Variants in PALM2AKAP2 observed in about 807,000 individuals in gnomAD.
PALM2AKAP2 encodes the protein PALM2 and AKAP2 fusion.
Under a neutral mutation model 71.5 loss-of-function variants are expected in PALM2AKAP2, and 37 were observed. That is an observed-to-expected ratio of 0.52 (90% CI 0.40 to 0.68). The LOEUF is 0.68. PALM2AKAP2 is among the 30% of genes least tolerant of loss of function. PALM2AKAP2 has a pLI of 0.00. For synonymous variants in PALM2AKAP2, 468 were observed against 478.8 expected, an observed-to-expected ratio of 0.98 and a Z score of 0.29; for missense variants, 1,224 against 1,191.8, an observed-to-expected ratio of 1.03 and a Z score of -0.40.
intron 1 of PALM2AKAP2, among the ~76,000 whole-genome samples, chr9:110,097,609 C>T (rs1303069728): frequency 2.7e-5 from 4 of 148,332 alleles, no homozygotes; most frequent in South Asian, 2.1e-4. Flanking sequence ...GGATGGCGGC[C>T]GGGAAGAGGC....
At chr9:109,943,340 C>T in intron 6 of PALM2AKAP2, 2 of 1,614,200 alleles carry the variant, frequency 1.2e-6, no homozygotes, top group Non-Finnish European at 8.5e-7. Flanking sequence ...CCCTCATCCC[C>T]AGAAGGGAAG....
intron 1 of PALM2AKAP2, among the ~76,000 whole-genome samples, chr9:110,121,097 T>C (rs746471917): frequency 1.8e-4 from 28 of 152,166 alleles, no homozygotes; most frequent in Admixed American, 5.9e-4. Context: ...CTTTAAGCCT[T>C]TCTAAAGAGA....
intron 2 of PALM2AKAP2, among the ~76,000 whole-genome samples, chr9:109,871,529 G>C (rs1829602362): frequency 6.6e-6 from 1 of 152,060 alleles, no homozygotes; most frequent in Non-Finnish European, 1.5e-5. Context: ...AAATTAAAAA[G>C]TACAGCAAAA....
At chr9:110,045,661 G>A (rs1398601286), upstream of PALM2AKAP2, among the ~76,000 whole-genome samples, 2 of 152,044 alleles carry the variant, frequency 1.3e-5, no homozygotes, top group Non-Finnish European at 2.9e-5. Context: ...TCTGCCGCCC[G>A]TGTTCAAGCG....
At chr9:110,097,161 A>G (rs1392590544) in intron 1 of PALM2AKAP2, among the ~76,000 whole-genome samples, 3 of 150,928 alleles carry the variant, frequency 2.0e-5, no homozygotes, top group Non-Finnish European at 4.4e-5. Context: ...ACTCTTAACC[A>G]GCATGCTGCC....
intron 1 of PALM2AKAP2, among the ~76,000 whole-genome samples, chr9:109,849,627 G>C (rs1828955658): frequency 6.6e-6 from 1 of 152,050 alleles, no homozygotes; most frequent in Non-Finnish European, 1.5e-5. Flanking sequence ...ATGGTGGCGT[G>C]CACCTGTAAT....
At position 109,840,501 on chromosome 9, in the gene PALM2AKAP2, G is replaced by A. The variant is rs150261921; in HGVS notation, c.46-26990G>A. On this transcript the variant is annotated intron_variant, in intron 1 of 9. Coordinates refer to the PALM2AKAP2 transcript ENST00000302798. ...AACACCAAAAGCAATGGCAACAGAA[G>A]CCAAAATTGACAAATGGGATCTAAT... 5.9e-3 allele frequency among the ~76,000 whole-genome samples: 896 copies of A among 152,286 alleles called. 13 individuals carry two copies. The highest frequency in any genetic ancestry group is 0.02 in the African/African-American group (845 of 41,562).
At chr9:109,830,497 A>G (rs10816889) in intron 1 of PALM2AKAP2, among the ~76,000 whole-genome samples, 24,160 of 152,170 alleles carry the variant, frequency 0.16, 2,499 homozygotes, top group East Asian at 0.34. Flanking sequence ...TAGCCTTTTC[A>G]TGCCTGCCTT....
At chr9:110,026,985 G>A (rs1008829904) in intron 7 of PALM2AKAP2, among the ~76,000 whole-genome samples, 1 of 152,198 alleles carries the variant, frequency 6.6e-6, no homozygotes, top group African/African-American at 2.4e-5. Flanking sequence ...AGAGGTTGCA[G>A]TGAGCCGAGA....
intron 3 of PALM2AKAP2, among the ~76,000 whole-genome samples, chr9:109,919,039 G>T (rs1043496943): frequency 6.6e-6 from 1 of 152,188 alleles, no homozygotes; most frequent in Non-Finnish European, 1.5e-5. Context: ...GCATCAGGTC[G>T]CAGAGAATTC....
intron 1 of PALM2AKAP2, among the ~76,000 whole-genome samples, chr9:109,857,225 T>A (rs917462909): frequency 2.6e-5 from 4 of 152,190 alleles, no homozygotes; most frequent in Non-Finnish European, 4.4e-5. Context: ...TCTCCTCCAT[T>A]CTTGGTAAAT....
chr9:109,790,625 C>T (rs750071402), intron 1 of PALM2AKAP2, among the ~76,000 whole-genome samples: 27 of 152,042 alleles, frequency 1.8e-4, no homozygotes, highest in Non-Finnish European at 7.4e-5. Flanking sequence ...AGAGAGAGGC[C>T]GGGATTTAAG....
intron 1 of PALM2AKAP2, among the ~76,000 whole-genome samples, chr9:110,117,861 CTA>C (rs750243202): frequency 0.12 from 12,297 of 99,094 alleles, 1,006 homozygotes; most frequent in African/African-American, 0.29. Flanking sequence ...CACAGATAAG[CTA>C]TATATATATA....
intron 1 of PALM2AKAP2, among the ~76,000 whole-genome samples, chr9:110,092,495 T>C (rs1271188482): frequency 4.6e-5 from 7 of 152,200 alleles, no homozygotes; most frequent in Non-Finnish European, 2.9e-5. Flanking sequence ...TAATAAATAC[T>C]TTAGTTAGTA....
At chr9:110,059,403 AGTT>A (rs1340503699) in intron 1 of PALM2AKAP2, among the ~76,000 whole-genome samples, 1 of 152,050 alleles carries the variant, frequency 6.6e-6, no homozygotes, top group African/African-American at 2.4e-5. Flanking sequence ...TGCTTTCTTT[AGTT>A]GTTGGTACTA....
chr9:109,936,745 A>G (rs968118479), intron 6 of PALM2AKAP2, among the ~76,000 whole-genome samples: 1 of 152,240 alleles, frequency 6.6e-6, no homozygotes, highest in East Asian at 1.9e-4. Flanking sequence ...CATTGTACAA[A>G]TGAGAAAATG....
At chr9:109,721,840 C>T (rs1279670539) in intron 1 of PALM2AKAP2, among the ~76,000 whole-genome samples, 1 of 152,176 alleles carries the variant, frequency 6.6e-6, no homozygotes, top group Admixed American at 6.5e-5. Flanking sequence ...AATTAATGAA[C>T]TTAAAGTAAC....
At chr9:110,047,174 T>G (rs887864751), upstream of PALM2AKAP2, among the ~76,000 whole-genome samples, 3 of 152,190 alleles carry the variant, frequency 2.0e-5, no homozygotes, top group African/African-American at 7.2e-5. Context: ...TAAATTCTAT[T>G]GAAATTCAAT....
exon 1 of PALM2AKAP2, chr9:110,048,852 A>G (rs1217250380): frequency 4.6e-6 from 7 of 1,508,674 alleles, no homozygotes; most frequent in South Asian, 1.2e-5. Context: ...GCGGGCGCCC[A>G]GAGGTGGGTG....
Sources: gnomAD v4.1 joint callset for allele counts (sites outside exome capture counted in the v4.1 genomes callset) on GRCh38, gnomAD v4.1.1 for gene constraint, MANE v1.5 for transcripts, NCBI Gene and HGNC (gene_info 2026-07-23, HGNC 2026-07-21) for gene names.